UGT2B28: variants seen among roughly 807,000 people sequenced by gnomAD.
UGT2B28 encodes the protein UDP-glucuronosyltransferase 2B28.
Under a neutral mutation model 43.6 loss-of-function variants are expected in UGT2B28, and 45 were observed. That is an observed-to-expected ratio of 1.03 (90% confidence interval 0.81 to 1.32). The LOEUF (loss-of-function observed/expected upper bound fraction) is 1.32. Among genes scored for constraint, UGT2B28 ranks in the 40% most tolerant of loss-of-function variants. The pLI, the probability that UGT2B28 is intolerant of heterozygous loss-of-function variation, is 0.00. For synonymous variants in UGT2B28, 204 were observed against 208.1 expected (o/e 0.98, Z 0.17); for missense variants, 649 against 625.5 (o/e 1.04, Z -0.40).
chr4:69,284,516 T>A lies in UGT2B28; in HGVS notation c.870+1854T>A, dbSNP rs1471527550. ...AGTCACTTTCTCAAGAGACAAAAGCTGAGGTAAAGACTAATGAAAAATCTG... is the reference window on the plus strand; with the variant it reads ...AGTCACTTTCTCAAGAGACAAAAGCAGAGGTAAAGACTAATGAAAAATCTG... On this transcript the variant is annotated intron_variant, in intron 2 of 5. Transcript: ENST00000335568. Among the ~76,000 whole-genome samples the A allele has an allele frequency of 4.3e-5, 6 of 140,152 alleles. 2 individuals are homozygous for A. The highest frequency in any genetic ancestry group is 1.7e-4 in the African/African-American group (6 of 35,900). 91.9% of individuals were successfully genotyped at this position (140,152 alleles called of 152,430 possible). A position where few individuals can be genotyped will look rare whatever the true frequency, so the allele number is the denominator to read the frequency against.
chr4:69,293,385 T>A (rs1464893057), intron 5 of UGT2B28, among the ~76,000 whole-genome samples: 1 of 140,810 alleles, frequency 7.1e-6, no homozygotes, highest in African/African-American at 2.8e-5. Flanking sequence ...ATTTTTGAAC[T>A]ATTCACTTAG....
Position 69,280,639 on chromosome 4 carries a change from G to A in UGT2B28, c.139G>A (p.Val47Ile), listed in dbSNP as rs540548090. 4 of 1,561,328 alleles carry A rather than the reference G, an allele frequency of 2.6e-6. 1 individual carries two copies. Among genetic ancestry groups the A allele is most frequent in the Non-Finnish European group, 2.6e-6 (3 of 1,156,136 alleles). Reference protein sequence around the residue: ...MNMKTILKELVQRGHEVTVLA... With the variant: ...MNMKTILKELIQRGHEVTVLA... The stretch of plus-strand genomic sequence containing the variant: ...TATGAAGACAATCCTGAAAGAGCTT[G>A]TTCAGAGAGGTCATGAGGTGACTGT... Residue 47 changes from valine to isoleucine, a missense_variant, in exon 1 of 6, where the codon GTT (valine) becomes ATT (isoleucine). Val to Ile is a conservative substitution (Grantham distance 29, BLOSUM62 3). Transcript: ENST00000335568.
At position 69,290,799 on chromosome 4, in the gene UGT2B28, T is replaced by A; in HGVS notation, c.1298T>A (p.Ile433Asn). 1 of 1,559,466 alleles carries A rather than the reference T, an allele frequency of 6.4e-7. No individual in the cohort carries two copies. Among genetic ancestry groups the A allele is most frequent in the Non-Finnish European group, 8.7e-7 (1 of 1,154,938 alleles). ...TDLLNALKTVINDPSYKENVM... is the reference protein window; with the variant it reads ...TDLLNALKTVNNDPSYKENVM... ...CTGCTGAATGCACTGAAGACAGTAA[T>A]TAATGATCCTTCGTGAGTAGAACAG... The change falls in exon 5 of 6, where the codon ATT (isoleucine) becomes AAT (asparagine). Residue 433 changes from isoleucine (I) to asparagine (N), a missense_variant. By Grantham distance (149) the Ile-to-Asn change is moderately radical (BLOSUM62 -3). Transcript: ENST00000335568.
At chr4:69,283,875 T>C (rs1161049199) in intron 2 of UGT2B28, among the ~76,000 whole-genome samples, 3 of 140,054 alleles carry the variant, frequency 2.1e-5, no homozygotes, top group African/African-American at 8.4e-5. Context: ...ATTGTGACAG[T>C]AAAATGAGCC....
intron 2 of UGT2B28, 54 bp from the exon 3 acceptor site, chr4:69,286,698 A>C: frequency 6.6e-7 from 1 of 1,524,036 alleles, no homozygotes. Flanking sequence ...CCAATTCTTT[A>C]GTAGTGCCTG....
chr4:69,290,942 T>A, intron 5 of UGT2B28, 131 bp downstream of exon 5: 1 of 1,213,812 alleles, frequency 8.2e-7, no homozygotes, highest in Non-Finnish European at 1.1e-6. Flanking sequence ...CAATCTGAAA[T>A]CTGCTTTGTT....
chr4:69,287,828 A>C (rs1339373269), intron 3 of UGT2B28, among the ~76,000 whole-genome samples: 1 of 140,628 alleles, frequency 7.1e-6, no homozygotes, highest in Non-Finnish European at 1.5e-5. Flanking sequence ...TTACTTTTTA[A>C]TTTCCTATCT....
At position 69,294,832 on chromosome 4, in the gene UGT2B28, G is replaced by C. The variant is rs758543923; in HGVS notation, c.*23G>C. On this transcript the variant is annotated 3_prime_UTR_variant, in exon 6 of 6. Coordinates refer to ENST00000335568, the MANE Select transcript of UGT2B28 (RefSeq NM_053039.2). ...TAGTTATGTCTGACATTTGAAGCTG[G>C]AAAACCAGATAGATGGGTTGACATC... is the stretch of plus-strand genomic sequence containing the variant. 2.0e-6 allele frequency: 3 copies of C among 1,528,042 alleles called. No homozygotes were observed. The highest frequency in any genetic ancestry group is 2.6e-6 in the Non-Finnish European group (3 of 1,140,966). The allele number at this position is 1,528,042 out of a possible 1,614,324, so 94.7% of individuals were successfully genotyped here.
In UGT2B28 at chr4:69,284,931, A is replaced by T. The variant is rs1483041835; in HGVS notation, c.871-1821A>T. Among the ~76,000 whole-genome samples the T allele has an allele frequency of 4.3e-5, 6 of 140,474 alleles. 1 individual carries two copies. The highest frequency in any genetic ancestry group is 1.4e-4 in the Admixed American group (2 of 13,976). 92.2% of individuals were successfully genotyped at this position (140,474 alleles called of 152,430 possible). A position where few individuals can be genotyped will look rare whatever the true frequency, so the allele number is the denominator to read the frequency against. On this transcript the variant is annotated intron_variant, in intron 2 of 5. Coordinates refer to ENST00000335568, the MANE Select transcript of UGT2B28 (RefSeq NM_053039.2). Reference sequence around the variant, plus strand: ...TATATTCACGTGAAATCATAAAAAAATCAAGTTGTACCTATTAAACATTAT... The same window carrying T: ...TATATTCACGTGAAATCATAAAAAATTCAAGTTGTACCTATTAAACATTAT...
chr4:69,293,209 G>C (rs1399457354), intron 5 of UGT2B28, among the ~76,000 whole-genome samples: 1 of 139,700 alleles, frequency 7.2e-6, no homozygotes, highest in East Asian at 2.1e-4. Flanking sequence ...CAAAACTAAT[G>C]TTGTGATTCG....
In UGT2B28 at chr4:69,283,030, T is replaced by C. The variant is rs565853518; in HGVS notation, c.870+368T>C. Among the ~76,000 whole-genome samples, 38 of 140,764 alleles carry C rather than the reference T, an allele frequency of 2.7e-4. 8 individuals are homozygous for C. Among genetic ancestry groups the C allele is most frequent in the African/African-American group, 9.7e-4 (35 of 36,170 alleles). The allele number at this position is 140,764 out of a possible 152,430, so 92.3% of individuals were successfully genotyped here. ...AAAATAGACAGTTTCCGTCTGCACA[T>C]ACCTTACATTCTACTTTGAAATATA... On this transcript the variant is annotated intron_variant, in intron 2 of 5. Coordinates refer to ENST00000335568, the MANE Select transcript of UGT2B28 (RefSeq NM_053039.2).
chr4:69,294,281 C>G (rs1393454878), intron 5 of UGT2B28, among the ~76,000 whole-genome samples: 1 of 128,974 alleles, frequency 7.8e-6, no homozygotes, highest in East Asian at 2.2e-4. Flanking sequence ...CTTATATTTT[C>G]TCTGCTTGAA....
At chr4:69,286,917 A>C in intron 3 of UGT2B28, 34 bp downstream of exon 3, 1 of 1,313,134 alleles carries the variant, frequency 7.6e-7, no homozygotes, top group Non-Finnish European at 9.8e-7. Flanking sequence ...GTGGAAAACT[A>C]CTGAAAGAGG....
In UGT2B28 at chr4:69,293,205, TA is replaced by T. The variant is rs773400951; in HGVS notation, c.1311-1323del. Among the ~76,000 whole-genome samples the T allele has an allele frequency of 6.7e-4, 93 of 139,786 alleles. 9 individuals carry two copies. Among genetic ancestry groups the T allele is most frequent in the Admixed American group, 5.7e-3 (80 of 13,934 alleles). 91.7% of individuals were successfully genotyped at this position (139,786 alleles called of 152,430 possible). A position where few individuals can be genotyped will look rare whatever the true frequency, so the allele number is the denominator to read the frequency against. ...ATTCAATTACATAAACAAGCAAAAC[TA>T]ATGTTGTGATTCGAAGTCAGGCTAA... On this transcript the variant is annotated intron_variant, in intron 5 of 5. Transcript: ENST00000335568.
In UGT2B28 at chr4:69,294,718, G is replaced by T; in HGVS notation, c.1499G>T (p.Cys500Phe). The change falls in exon 6 of 6, where the codon TGT (cysteine) becomes TTT (phenylalanine). Residue 500 changes from cysteine to phenylalanine, a missense_variant. Coordinates refer to ENST00000335568, the MANE Select transcript of UGT2B28 (RefSeq NM_053039.2). Reference protein sequence around the residue: ...SLDVIGFLLACVATVIFVVTK... With the variant: ...SLDVIGFLLAFVATVIFVVTK... ...GATGTGATTGGGTTTCTGCTGGCCT[G>T]TGTGGCAACTGTGATATTTGTCGTC... The T allele has an allele frequency of 1.3e-6, 2 of 1,559,780 alleles. No individual in the cohort carries two copies. The highest frequency in any genetic ancestry group is 1.7e-6 in the Non-Finnish European group (2 of 1,155,376).
At chr4:69,289,596 T>A (rs1723885182) in intron 3 of UGT2B28, 69 bp from the exon 4 acceptor site, 2 of 1,363,640 alleles carry the variant, frequency 1.5e-6, no homozygotes, top group Non-Finnish European at 9.9e-7. Flanking sequence ...CCTACCCTTT[T>A]TACAGTTCTA....
chr4:69,288,918 A>AT (rs960290182), intron 3 of UGT2B28, among the ~76,000 whole-genome samples: 1 of 140,052 alleles, frequency 7.1e-6, no homozygotes, highest in Non-Finnish European at 1.5e-5. Flanking sequence ...CAAAATACAT[A>AT]TTTTTGTTTT....
At chr4:69,289,634 A>T in intron 3 of UGT2B28, 31 bp from the exon 4 acceptor site, 1 of 1,512,508 alleles carries the variant, frequency 6.6e-7, no homozygotes, top group Non-Finnish European at 8.9e-7. Context: ...AGTTCCACTC[A>T]TGGAATAAGA....
At position 69,281,213 on chromosome 4, in the gene UGT2B28, A is replaced by T. The variant is rs761045559; in HGVS notation, c.713A>T (p.Glu238Val). 1 of 1,503,506 alleles carries T rather than the reference A, an allele frequency of 6.7e-7. No individual in the cohort carries two copies. Among genetic ancestry groups the T allele is most frequent in the Admixed American group, 2.1e-5 (1 of 48,040 alleles). The allele number at this position is 1,503,506 out of a possible 1,614,324, so 93.1% of individuals were successfully genotyped here. ...AAGAAGTGGGATCAGTTTTACAGTG[A>T]AGTTTTAGGTAAGAATTTGTTTAAT... ...DMKKWDQFYS[E>V]VLGRPTTLFE... Residue 238 changes from glutamate to valine, a missense_variant, in exon 1 of 6, where the codon GAA becomes GTA. Coordinates refer to ENST00000335568, the MANE Select transcript of UGT2B28 (RefSeq NM_053039.2).
Sources: allele counts gnomAD v4.1 joint callset (sites outside exome capture counted in the v4.1 genomes callset), GRCh38; gene constraint gnomAD v4.1.1; transcripts MANE v1.5; gene names NCBI Gene and HGNC (gene_info 2026-07-23, HGNC 2026-07-21).